Variants in URI1 observed in about 807,000 individuals in gnomAD.
URI1 encodes the protein unconventional prefoldin RPB5 interactor 1.
A neutral mutation model predicts 60.2 loss-of-function variants in URI1; 39 were observed. That is an observed-to-expected ratio of 0.65 (90% confidence interval 0.50 to 0.85). The LOEUF is 0.85. URI1 is among the 40% of genes least tolerant of loss of function. The pLI, the probability that URI1 is intolerant of heterozygous loss-of-function variation, is 0.00. For missense variants in URI1, 691 were observed against 665.9 expected, an observed-to-expected ratio of 1.04 and a Z score of -0.42; for synonymous variants, 251 against 236.8, an observed-to-expected ratio of 1.06 and a Z score of -0.55.
At chr19:29,977,690 A>G (rs1163239501) in intron 2 of URI1, among the ~76,000 whole-genome samples, 2 of 151,588 alleles carry the variant, frequency 1.3e-5, no homozygotes, top group African/African-American at 4.8e-5. Flanking sequence ...GAAGAATCAT[A>G]TATGTCAAAT....
chr19:30,000,019 A>G (rs1011717179), intron 4 of URI1, among the ~76,000 whole-genome samples: 1 of 149,754 alleles, frequency 6.7e-6, no homozygotes, highest in Non-Finnish European at 1.5e-5. Flanking sequence ...CTACCTGTCT[A>G]TAATTTAAGA....
At chr19:29,924,820 CCT>C (rs2054852048) in intron 1 of URI1, among the ~76,000 whole-genome samples, 1 of 152,188 alleles carries the variant, frequency 6.6e-6, no homozygotes, top group Non-Finnish European at 1.5e-5. Context: ...CTCTGAACCC[CCT>C]CTTATTATTT....
At chr19:29,927,967 T>C (rs2054884408) in intron 1 of URI1, among the ~76,000 whole-genome samples, 1 of 151,970 alleles carries the variant, frequency 6.6e-6, no homozygotes, top group South Asian at 2.1e-4. Flanking sequence ...CACTCCAGGC[T>C]AGATTAGAAA....
intron 4 of URI1, among the ~76,000 whole-genome samples, chr19:30,002,188 T>A (rs893583126): frequency 3.9e-5 from 6 of 152,046 alleles, no homozygotes; most frequent in Non-Finnish European, 8.8e-5. Flanking sequence ...ATAACTTTTA[T>A]TAGTGTTTTG....
At chr19:29,949,993 T>C (rs1404200474) in intron 1 of URI1, among the ~76,000 whole-genome samples, 3 of 152,184 alleles carry the variant, frequency 2.0e-5, no homozygotes, top group African/African-American at 4.8e-5. Context: ...TGTAAGAATA[T>C]GTTTGCTTGT....
At chr19:29,984,802 A>G (rs439099) in intron 2 of URI1, among the ~76,000 whole-genome samples, 2 of 152,042 alleles carry the variant, frequency 1.3e-5, no homozygotes, top group South Asian at 4.1e-4. Context: ...GCCACCACAC[A>G]CGACTGAAAG....
chr19:30,003,331 C>G (rs1192455392), intron 4 of URI1, among the ~76,000 whole-genome samples: 1 of 151,852 alleles, frequency 6.6e-6, no homozygotes, highest in Non-Finnish European at 1.5e-5. Context: ...GGACATAGGA[C>G]TTATGATAAT....
At chr19:29,981,830 G>T (rs541745990) in intron 2 of URI1, among the ~76,000 whole-genome samples, 15 of 152,054 alleles carry the variant, frequency 9.9e-5, no homozygotes, top group African/African-American at 3.6e-4. Context: ...TTACTGTAAT[G>T]ACTCCTGTGT....
Position 30,012,872 on chromosome 19 carries a change from A to G in URI1, c.1425+341A>G, listed in dbSNP as rs1455935357. 7 of 189,724 alleles carry G rather than the reference A, an allele frequency of 3.7e-5. No individual in the cohort carries two copies. In the East Asian group the frequency reaches 1.0e-3, roughly 28 times the overall value. 11.8% of individuals were successfully genotyped at this position (189,724 alleles called of 1,614,324 possible). The stretch of plus-strand genomic sequence containing the variant: ...GTCATTTTCTGATAGTGTAAGGAGC[A>G]GATTACATTATTCTCTTTTAAATAC... On this transcript the variant is annotated intron_variant, in intron 10 of 10. Coordinates refer to ENST00000392271, the MANE Select transcript of URI1 (RefSeq NM_003796.3).
At chr19:29,997,501 G>A (rs2055826800) in intron 4 of URI1, among the ~76,000 whole-genome samples, 1 of 151,838 alleles carries the variant, frequency 6.6e-6, no homozygotes, top group East Asian at 1.9e-4. Flanking sequence ...ACTTTTGGTT[G>A]CATTAATTTT....
At chr19:29,948,118 T>C (rs2055125080) in intron 1 of URI1, among the ~76,000 whole-genome samples, 1 of 152,240 alleles carries the variant, frequency 6.6e-6, no homozygotes, top group South Asian at 2.1e-4. Context: ...TTCTGTTGGC[T>C]TGTCTGTTCT....
chr19:30,011,314 T>C (rs2056016295), intron 9 of URI1, 78 bp downstream of exon 9: 3 of 1,506,856 alleles, frequency 2.0e-6, no homozygotes, highest in Non-Finnish European at 2.7e-6. Context: ...CTGGAGAAAG[T>C]TGACTGTAAC....
At chr19:29,928,172 T>A (rs1294262720) in intron 1 of URI1, among the ~76,000 whole-genome samples, 1 of 152,072 alleles carries the variant, frequency 6.6e-6, no homozygotes, top group South Asian at 2.1e-4. Context: ...AGCCTCTGAA[T>A]GAGAGCTGCC....
At chr19:29,998,100 T>A (rs747963148) in intron 4 of URI1, among the ~76,000 whole-genome samples, 15 of 152,222 alleles carry the variant, frequency 9.9e-5, no homozygotes, top group Non-Finnish European at 8.8e-5. Context: ...CATTGACAGA[T>A]TATTTTGTAA....
chr19:29,943,431 A>G (rs2055058371), intron 1 of URI1, among the ~76,000 whole-genome samples: 1 of 152,206 alleles, frequency 6.6e-6, no homozygotes, highest in Non-Finnish European at 1.5e-5. Context: ...GGTCTTTCAG[A>G]TTGATTCTGT....
intron 2 of URI1, among the ~76,000 whole-genome samples, chr19:29,980,696 G>C (rs541642546): frequency 4.0e-5 from 6 of 149,222 alleles, no homozygotes; most frequent in African/African-American, 9.9e-5. Context: ...AGGCCGAAGC[G>C]GGTAGATCAC....
At chr19:29,973,468 A>G (rs2055483780) in intron 2 of URI1, among the ~76,000 whole-genome samples, 2 of 152,162 alleles carry the variant, frequency 1.3e-5, no homozygotes, top group Admixed American at 1.3e-4. Flanking sequence ...ATGAGTACGC[A>G]CCAGTATAGT....
chr19:29,942,904 G>C (rs1303957378), intron 1 of URI1, among the ~76,000 whole-genome samples: 1 of 152,208 alleles, frequency 6.6e-6, no homozygotes, highest in Admixed American at 6.5e-5. Flanking sequence ...GAAGGCGTGC[G>C]GCAGCGCGTG....
intron 1 of URI1, among the ~76,000 whole-genome samples, chr19:29,950,844 T>C (rs1337572328): frequency 6.6e-6 from 1 of 152,222 alleles, no homozygotes; most frequent in Admixed American, 6.5e-5. Context: ...CTAAAATTAT[T>C]CCCCGCCACC....
Sources: allele counts gnomAD v4.1 joint callset (sites outside exome capture counted in the v4.1 genomes callset), GRCh38; gene constraint gnomAD v4.1.1; transcripts MANE v1.5; gene names NCBI Gene and HGNC (gene_info 2026-07-23, HGNC 2026-07-21).